DSCAML1: variants seen among roughly 807,000 people sequenced by gnomAD.
The protein encoded by DSCAML1 is DS cell adhesion molecule like 1, also known as cell adhesion molecule DSCAML1.
Under a neutral mutation model 200.5 loss-of-function variants are expected in DSCAML1, and 38 were observed. That is an observed-to-expected ratio of 0.19 (90% CI 0.15 to 0.25). DSCAML1 has a LOEUF of 0.25. Ranked by LOEUF, DSCAML1 falls within the 10% of genes least tolerant of loss-of-function variation. The probability of loss-of-function intolerance (pLI) is 1.00; values close to 1 mark genes in which losing one functional copy is unlikely to be tolerated. For missense variants in DSCAML1, 2,223 were observed against 2,858.8 expected (o/e 0.78, Z 5.07); for synonymous variants, 1,215 against 1,165.0 (o/e 1.04, Z -0.87).
intron 1 of DSCAML1, among the ~76,000 whole-genome samples, chr11:117,804,760 T>C (rs1041874911): frequency 3.3e-5 from 5 of 152,074 alleles, no homozygotes; most frequent in African/African-American, 1.2e-4. Context: ...TGGAGACCCA[T>C]CTCTACAAAA....
At chr11:117,439,005 C>A in intron 23 of DSCAML1, 22 bp from the exon 24 acceptor site, 1 of 1,588,330 alleles carries the variant, frequency 6.3e-7, no homozygotes. Context: ...AAGCCACCAC[C>A]CCTTAGCACA....
intron 1 of DSCAML1, among the ~76,000 whole-genome samples, chr11:117,808,111 C>T (rs764928817): frequency 4.9e-4 from 75 of 152,318 alleles, no homozygotes; most frequent in Admixed American, 1.0e-3. Context: ...TGAGCTACCG[C>T]GCCCGGCCTG....
In DSCAML1 at chr11:117,433,487, G is replaced by A. The variant is rs1161091796; in HGVS notation, c.4877-16C>T. 15 of 1,611,856 alleles carry A rather than the reference G, an allele frequency of 9.3e-6. No individual in the cohort carries two copies. The highest frequency in any genetic ancestry group is 1.3e-5 in the African/African-American group (1 of 74,918). ...CTCTTTGCATCTGCAAAACAGTAGA[G>A]GGAGAGGAGGGCTGGGTGAGAATGA... On this transcript the variant is annotated splice_polypyrimidine_tract_variant and intron_variant, in intron 27 of 32. Coordinates refer to ENST00000651296, the MANE Select transcript of DSCAML1 (RefSeq NM_020693.4).
Position 117,437,312 on chromosome 11 carries a change from G to A in DSCAML1, c.4530C>T (p.Ile1510=). 6.2e-7 allele frequency: 1 copy of A among 1,614,284 alleles called. No homozygotes were observed. Among genetic ancestry groups the A allele is most frequent in the Non-Finnish European group, 8.5e-7 (1 of 1,180,052 alleles). Residue 1510 remains isoleucine (I), a synonymous_variant, in exon 26 of 33, where the codon ATC becomes ATT. Transcript: ENST00000651296. This position sits in a 1 kb window ranked among gnomAD's most constrained non-coding sequence, Gnocchi z 5.3. Reference sequence around the variant, plus strand: ...GCCGGTACTCCAGAACGATGGCTGTGATAGGGCAGCCCCCATTGTTCCAGC... The same window carrying A: ...GCCGGTACTCCAGAACGATGGCTGTAATAGGGCAGCCCCCATTGTTCCAGC... ...LQGWNNGGCP[I]TAIVLEYRPK...
intron 2 of DSCAML1, among the ~76,000 whole-genome samples, chr11:117,779,278 T>A (rs566897251): frequency 2.6e-5 from 4 of 152,296 alleles, no homozygotes; most frequent in African/African-American, 9.6e-5. Flanking sequence ...AGACCCACCT[T>A]ACCATTGATT....
At chr11:117,705,423 G>T (rs1483515586) in intron 3 of DSCAML1, among the ~76,000 whole-genome samples, 5 of 152,118 alleles carry the variant, frequency 3.3e-5, no homozygotes, top group Non-Finnish European at 7.3e-5. Context: ...ACACAGAGAA[G>T]AAAGATTTTG....
intron 3 of DSCAML1, among the ~76,000 whole-genome samples, chr11:117,753,762 C>T (rs919290765): frequency 6.6e-6 from 1 of 152,206 alleles, no homozygotes; most frequent in Non-Finnish European, 1.5e-5. Context: ...CTTAGTTAGA[C>T]ATGGCTGTCA....
At chr11:117,501,305 GA>G (rs2049389463) in intron 11 of DSCAML1, among the ~76,000 whole-genome samples, 2 of 152,134 alleles carry the variant, frequency 1.3e-5, no homozygotes, top group South Asian at 4.2e-4. Context: ...ATATTCCAAA[GA>G]AGGCCAGGTG....
At chr11:117,443,570 C>A (rs1199156871) in intron 21 of DSCAML1, among the ~76,000 whole-genome samples, 1 of 152,244 alleles carries the variant, frequency 6.6e-6, no homozygotes, top group Non-Finnish European at 1.5e-5. Context: ...GGGACAAAGG[C>A]CCGGCTTTGA....
upstream of DSCAML1, chr11:117,797,378 G>T: frequency 2.2e-6 from 2 of 924,208 alleles, no homozygotes; most frequent in South Asian, 3.1e-5. Context: ...GAACAGGAGC[G>T]GCGGCCCGGG....
At chr11:117,699,099 G>A (rs1326995404) in intron 3 of DSCAML1, among the ~76,000 whole-genome samples, 1 of 152,180 alleles carries the variant, frequency 6.6e-6, no homozygotes, top group Non-Finnish European at 1.5e-5. Flanking sequence ...CAGAAAAGAG[G>A]CACAGGACAG....
At chr11:117,799,728 T>C (rs938922832), upstream of DSCAML1, among the ~76,000 whole-genome samples, 1 of 152,194 alleles carries the variant, frequency 6.6e-6, no homozygotes, top group Non-Finnish European at 1.5e-5. Flanking sequence ...CTGGGAAATG[T>C]ATGTGTGCCA....
chr11:117,501,352 C>T (rs1185644225), intron 11 of DSCAML1, among the ~76,000 whole-genome samples: 1 of 152,110 alleles, frequency 6.6e-6, no homozygotes, highest in Non-Finnish European at 1.5e-5. Context: ...TTCCACCCCG[C>T]CCCCCGACAG....
At chr11:117,622,084 G>A (rs759977151) in intron 3 of DSCAML1, among the ~76,000 whole-genome samples, 1 of 152,230 alleles carries the variant, frequency 6.6e-6, no homozygotes, top group Non-Finnish European at 1.5e-5. Flanking sequence ...GAGACCATTT[G>A]CCTAGTCCAG....
chr11:117,578,277 C>T (rs1227286538), intron 3 of DSCAML1, among the ~76,000 whole-genome samples: 5 of 147,850 alleles, frequency 3.4e-5, no homozygotes, highest in African/African-American at 2.5e-5. Context: ...CTGAACTTCT[C>T]TTGGCTTCCA....
At chr11:117,627,286 C>T (rs1338587010) in intron 3 of DSCAML1, among the ~76,000 whole-genome samples, 1 of 152,170 alleles carries the variant, frequency 6.6e-6, no homozygotes, top group Admixed American at 6.5e-5. Context: ...GTAACCCCGC[C>T]TCTTCTTCTC....
intron 3 of DSCAML1, among the ~76,000 whole-genome samples, chr11:117,649,325 G>T (rs886218357): frequency 6.6e-6 from 1 of 152,154 alleles, no homozygotes; most frequent in South Asian, 2.1e-4. Flanking sequence ...TGATCTGCCC[G>T]CCTTGGCCTC....
chr11:117,767,502 C>A (rs1158357624), intron 3 of DSCAML1, among the ~76,000 whole-genome samples: 1 of 152,176 alleles, frequency 6.6e-6, no homozygotes, highest in African/African-American at 2.4e-5. Context: ...TAACCTGCAA[C>A]GTACGCTTAA....
At chr11:117,744,756 C>G (rs1049476865) in intron 3 of DSCAML1, among the ~76,000 whole-genome samples, 3 of 152,368 alleles carry the variant, frequency 2.0e-5, no homozygotes, top group African/African-American at 2.4e-5. Context: ...ATCCAGCATG[C>G]CTGGCTTTGA....
Sources: allele counts gnomAD v4.1 joint callset (sites outside exome capture counted in the v4.1 genomes callset), GRCh38; gene constraint gnomAD v4.1.1; non-coding constraint Gnocchi (gnomAD v3.1); transcripts MANE v1.5; gene names NCBI Gene and HGNC (gene_info 2026-07-23, HGNC 2026-07-21).